KIAA1614: variants seen among roughly 807,000 people sequenced by gnomAD.
KIAA1614 encodes the protein KIAA1614.
Under a neutral mutation model 88.7 loss-of-function variants are expected in KIAA1614, and 76 were observed. The ratio of observed to expected loss-of-function variants is 0.86; its 90% CI spans 0.71 to 1.04. The LOEUF (loss-of-function observed/expected upper bound fraction) is 1.04. Among genes scored for constraint, KIAA1614 ranks in the 50% least tolerant of loss-of-function variants. The pLI is 0.00. For synonymous variants in KIAA1614, 714 were observed against 675.5 expected (o/e 1.06, Z -0.88); for missense variants, 1,553 against 1,582.5 (o/e 0.98, Z 0.32).
intron 4 of KIAA1614, among the ~76,000 whole-genome samples, chr1:180,934,136 C>T (rs1344737586): frequency 6.6e-6 from 1 of 151,930 alleles, no homozygotes; most frequent in African/African-American, 2.4e-5. Flanking sequence ...TGCCTATAAT[C>T]CCAGCTACTC....
Position 180,926,733 on chromosome 1 carries a change from G to A in KIAA1614, c.1062-1697G>A, listed in dbSNP as rs550898674. On this transcript the variant is annotated intron_variant, in intron 3 of 8. Coordinates refer to ENST00000367588, the MANE Select transcript of KIAA1614 (RefSeq NM_020950.2). ...CCCACGGCTGCAGGGGCGCCTCTCCGGGCTGGTAACCTCATTATCTCTGCT... is the reference window on the plus strand; with the variant it reads ...CCCACGGCTGCAGGGGCGCCTCTCCAGGCTGGTAACCTCATTATCTCTGCT... 8.5e-5 allele frequency among the ~76,000 whole-genome samples: 13 copies of A among 152,336 alleles called. 1 individual carries two copies. The highest frequency in any genetic ancestry group is 3.4e-3 in the Middle Eastern group (1 of 294).
chr1:180,943,028 G>GTTTTTTTTTTTGTTTT, intron 7 of KIAA1614, among the ~76,000 whole-genome samples: 1 of 14,958 alleles, frequency 6.7e-5, no homozygotes, highest in South Asian at 4.6e-3. Context: ...AGTTTTTTGG[G>GTTTTTTTTTTTGTTTT]TTTTTTTTTT....
At chr1:180,923,536 A>G (rs750625866) in intron 3 of KIAA1614, among the ~76,000 whole-genome samples, 30 of 152,248 alleles carry the variant, frequency 2.0e-4, no homozygotes, top group Non-Finnish European at 4.3e-4. Flanking sequence ...GGAACTGGCC[A>G]CTTTTGCTCT....
intron 3 of KIAA1614, among the ~76,000 whole-genome samples, chr1:180,926,343 A>G (rs997731590): frequency 3.3e-5 from 5 of 152,134 alleles, no homozygotes; most frequent in Admixed American, 2.0e-4. Context: ...GCAGTCTGTG[A>G]AGGTGACTGC....
At position 180,945,436 on chromosome 1, in the gene KIAA1614, G is replaced by T; in HGVS notation, c.3421G>T (p.Gly1141Trp). 6.2e-7 allele frequency: 1 copy of T among 1,611,580 alleles called. No homozygotes were observed. The highest frequency in any genetic ancestry group is 1.1e-5 in the South Asian group (1 of 90,840). ...TSQLQLQRSP[G>W]GTFGFCVASG... is the part of the protein sequence containing the mutation. ...CCAGCTGCAGCTGCAGCGCTCCCCA[G>T]GGGGCACTTTCGGCTTCTGCGTGGC... The change falls in exon 9 of 9, where the codon GGG becomes TGG. Residue 1141 changes from glycine (G) to tryptophan (W), a missense_variant. Physicochemically the swap from Gly to Trp is radical, Grantham distance 184. Transcript: ENST00000367588.
At chr1:180,926,234 C>G (rs1654064680) in intron 3 of KIAA1614, among the ~76,000 whole-genome samples, 1 of 152,158 alleles carries the variant, frequency 6.6e-6, no homozygotes, top group African/African-American at 2.4e-5. Context: ...AGCACCCACC[C>G]CATTTTGCCT....
At position 180,950,876 on chromosome 1, in the gene KIAA1614, ACCT is replaced by A. The variant is rs1469280233; in HGVS notation, c.*5292_*5294del. 1 of 152,422 alleles carries A rather than the reference ACCT, an allele frequency of 6.6e-6. No individual in the cohort carries two copies. The highest frequency in any genetic ancestry group is 1.9e-4 in the East Asian group (1 of 5,194). The allele number at this position is 152,422 out of a possible 1,614,324, so 9.4% of individuals were successfully genotyped here. A position where few individuals can be genotyped will look rare whatever the true frequency, so the allele number is the denominator to read the frequency against. ...TGGTTGATGCCTGAGAGCCGGCCTCACCTCCTGGTCCCATGCCTGGTCAAAGGC... is the reference window on the plus strand; with the variant it reads ...TGGTTGATGCCTGAGAGCCGGCCTCACCTGGTCCCATGCCTGGTCAAAGGC... On this transcript the variant is annotated 3_prime_UTR_variant, in exon 9 of 9. Coordinates refer to ENST00000367588, the MANE Select transcript of KIAA1614 (RefSeq NM_020950.2).
intron 2 of KIAA1614, 80 bp downstream of exon 2, chr1:180,917,180 CA>C (rs2102254349): frequency 8.8e-7 from 1 of 1,130,758 alleles, no homozygotes; most frequent in Non-Finnish European, 1.3e-6. Flanking sequence ...GAGGGGGTCC[CA>C]CAGAGGGAGT....
intron 6 of KIAA1614, among the ~76,000 whole-genome samples, chr1:180,939,056 G>A (rs1268476883): frequency 1.3e-5 from 2 of 152,136 alleles, no homozygotes; most frequent in Non-Finnish European, 2.9e-5. Flanking sequence ...TTGGATTCTC[G>A]AAAGTAACCA....
chr1:180,935,578 CCCAGGACCCT>C lies in KIAA1614; in HGVS notation c.1676_1685del (p.Thr559SerfsTer15). On this transcript the variant is annotated frameshift_variant, in exon 5 of 9. Transcript: ENST00000367588. LOFTEE classifies it high-confidence loss of function. This position sits in a 1 kb window ranked among gnomAD's most constrained non-coding sequence, Gnocchi z 6.1. ...CGCCCAGGGGAAGGCGCCCCCCGTC[CCCAGGACCCT>C]CCAGGAGCTCCAGGCTGCCTGTGGG... 6.2e-7 allele frequency: 1 copy of C among 1,608,616 alleles called. No individual in the cohort carries two copies. Among genetic ancestry groups the C allele is most frequent in the Non-Finnish European group, 8.5e-7 (1 of 1,177,956 alleles).
chr1:180,945,274 C>T (rs1160598217), intron 8 of KIAA1614, 29 bp from the exon 9 acceptor site: 3 of 1,563,614 alleles, frequency 1.9e-6, no homozygotes, highest in South Asian at 1.2e-5. Context: ...ATGCTTTTTG[C>T]CCTCACTGTG....
At chr1:180,943,501 C>T (rs1654514788) in intron 7 of KIAA1614, among the ~76,000 whole-genome samples, 1 of 146,760 alleles carries the variant, frequency 6.8e-6, no homozygotes, top group Non-Finnish European at 1.5e-5. Flanking sequence ...GACTTCTTTC[C>T]TTTGGTAGAT....
chr1:180,945,040 T>C, intron 8 of KIAA1614: 1 of 499,458 alleles, frequency 2.0e-6, no homozygotes. Flanking sequence ...CAAAGGTCTC[T>C]GTACCCCCCA....
chr1:180,943,034 T>TTTTTTGTTGTTTG (rs1553260090), intron 7 of KIAA1614, among the ~76,000 whole-genome samples: 4 of 139,506 alleles, frequency 2.9e-5, no homozygotes, highest in Admixed American at 6.9e-5. Flanking sequence ...TTGGGTTTTT[T>TTTTTTGTTGTTTG]TTTTTTTTTT....
chr1:180,931,427 G>C (rs967280398), intron 4 of KIAA1614, among the ~76,000 whole-genome samples: 8 of 152,246 alleles, frequency 5.3e-5, no homozygotes, highest in Non-Finnish European at 8.8e-5. Context: ...CAGGACTGCA[G>C]CGGGATCCTC....
Position 180,938,666 on chromosome 1 carries a change from G to A in KIAA1614, c.2873G>A (p.Ser958Asn). 1 of 1,614,190 alleles carries A rather than the reference G, an allele frequency of 6.2e-7. No homozygotes were observed. The highest frequency in any genetic ancestry group is 8.5e-7 in the Non-Finnish European group (1 of 1,180,016). Residue 958 changes from serine (S) to asparagine (N), a missense_variant, in exon 6 of 9, where the codon AGC (serine) becomes AAC (asparagine). Coordinates refer to ENST00000367588, the MANE Select transcript of KIAA1614 (RefSeq NM_020950.2). ...GAGTCCAGCAAGGAATCAGAGGGAA[G>A]CCTGCAGAGGACAGGGTCAGGATCT... ...ESESSKESEGSLQRTGSGSGG... is the reference protein window; with the variant it reads ...ESESSKESEGNLQRTGSGSGG...
rs757575878 is a variant in KIAA1614 at position 180,945,313 on chromosome 1, A to G, written c.3298A>G (p.Thr1100Ala). Reference sequence around the variant, plus strand: ...CTGGTTCCCTCGCAGGCCGGCCAAGACTTCACCACGGCGTGCCCTCAGTGT... The same window carrying G: ...CTGGTTCCCTCGCAGGCCGGCCAAGGCTTCACCACGGCGTGCCCTCAGTGT... Reference protein sequence around the residue: ...DHSAAGRPAKTSPRRALSVED... With the variant: ...DHSAAGRPAKASPRRALSVED... The change falls in exon 9 of 9, where the codon ACT becomes GCT. Residue 1100 changes from threonine to alanine, a missense_variant. Physicochemically the swap from Thr to Ala is moderately conservative, Grantham distance 58. Transcript: ENST00000367588. 6.3e-7 allele frequency: 1 copy of G among 1,583,774 alleles called. No individual in the cohort carries two copies. Among genetic ancestry groups the G allele is most frequent in the Non-Finnish European group, 8.5e-7 (1 of 1,171,884 alleles).
In KIAA1614 at chr1:180,945,360, C is replaced by T. The variant is rs759738666; in HGVS notation, c.3345C>T (p.Ser1115=). Residue 1115 remains serine, a synonymous_variant, in exon 9 of 9, where the codon AGC becomes AGT. Transcript: ENST00000367588. Reference sequence around the variant, plus strand: ...GTGTGGAGGACGTGGGTGCTCCCAGCCTGGCTCGCACCGTGGGCCGCCTGG... The same window carrying T: ...GTGTGGAGGACGTGGGTGCTCCCAGTCTGGCTCGCACCGTGGGCCGCCTGG... ...ALSVEDVGAP[S]LARTVGRLVE... is the part of the protein sequence containing the mutation. The T allele has an allele frequency of 5.6e-6, 9 of 1,597,090 alleles. No homozygotes were observed. The South Asian group carries it at 1.0e-4, about 18-fold the overall frequency.
chr1:180,917,302 G>A (rs992041379), intron 2 of KIAA1614, among the ~76,000 whole-genome samples: 4 of 152,188 alleles, frequency 2.6e-5, no homozygotes, highest in African/African-American at 9.6e-5. Context: ...CAGCCTGTCT[G>A]CCGAAGCCCC....
Sources: gnomAD v4.1 joint callset for allele counts (sites outside exome capture counted in the v4.1 genomes callset) on GRCh38, gnomAD v4.1.1 for gene constraint, Gnocchi (gnomAD v3.1) non-coding constraint, MANE v1.5 for transcripts, NCBI Gene and HGNC (gene_info 2026-07-23, HGNC 2026-07-21) for gene names.